The following SYCP2 variants were observed in gnomAD, a reference collection of about 807,000 sequenced individuals.
SYCP2 encodes the protein synaptonemal complex lateral element protein.
A neutral mutation model predicts 211.3 loss-of-function variants in SYCP2; 55 were observed. The observed-to-expected ratio is 0.26, with a 90% CI of 0.21 to 0.33. SYCP2 has a LOEUF of 0.33. Among genes scored for constraint, SYCP2 ranks in the 10% least tolerant of loss-of-function variants. SYCP2 has a pLI of 1.00. For synonymous variants in SYCP2, 570 were observed against 555.2 expected (o/e 1.03, Z -0.37); for missense variants, 1,731 against 1,752.0 (o/e 0.99, Z 0.21).
Position 59,892,370 on chromosome 20 carries a change from G to C in SYCP2, c.1984C>G (p.His662Asp). The C allele has an allele frequency of 6.3e-7, 1 of 1,586,968 alleles. No homozygotes were observed. Among genetic ancestry groups the C allele is most frequent in the Non-Finnish European group, 8.6e-7 (1 of 1,161,242 alleles). The stretch of plus-strand genomic sequence containing the variant: ...ACTTTTCCTGTTCCTTCAGAATTAT[G>C]ATCAGATATTGAAGAGGATGATTTT... ...KQKSSSSISD[H>D]NSEGTGKVKY... Residue 662 changes from histidine (H) to aspartate (D), a missense_variant, in exon 24 of 45, where the codon CAT becomes GAT. Physicochemically the swap from His to Asp is moderately conservative, Grantham distance 81. Coordinates refer to ENST00000357552, the MANE Select transcript of SYCP2 (RefSeq NM_014258.4).
At chr20:59,930,777 T>A (rs1158318574) in intron 2 of SYCP2, among the ~76,000 whole-genome samples, 1 of 152,190 alleles carries the variant, frequency 6.6e-6, no homozygotes, top group Non-Finnish European at 1.5e-5. Flanking sequence ...TAAAATTTTT[T>A]AAGGAAACAA....
Position 59,893,229 on chromosome 20 carries a change from A to AT in SYCP2, c.1736-31dup, listed in dbSNP as rs776612764. On this transcript the variant is annotated intron_variant, in intron 21 of 44. Transcript: ENST00000357552. ...ATAAAACAAATATTATAATATTTTCATTTTTTTCATGCAGTTGGCAGGGGG... is the reference window on the plus strand; with the variant it reads ...ATAAAACAAATATTATAATATTTTCATTTTTTTTCATGCAGTTGGCAGGGGG... 4.1e-6 allele frequency: 6 copies of AT among 1,471,352 alleles called. No individual in the cohort carries two copies. In the South Asian group the frequency reaches 4.8e-5, roughly 12 times the overall value. 91.1% of individuals were successfully genotyped at this position (1,471,352 alleles called of 1,614,324 possible).
At chr20:59,928,467 T>C (rs2060674185) in intron 2 of SYCP2, among the ~76,000 whole-genome samples, 1 of 152,310 alleles carries the variant, frequency 6.6e-6, no homozygotes, top group East Asian at 1.9e-4. Flanking sequence ...TTGAGAGATT[T>C]GGCTAATTCT....
chr20:59,893,085 T>C, intron 22 of SYCP2, 57 bp downstream of exon 22: 1 of 1,185,002 alleles, frequency 8.4e-7, no homozygotes. Context: ...ATCTGTTACA[T>C]TCACTGAAAA....
At chr20:59,910,138 CAGA>C (rs1408412867) in intron 14 of SYCP2, among the ~76,000 whole-genome samples, 2 of 151,972 alleles carry the variant, frequency 1.3e-5, no homozygotes, top group African/African-American at 2.4e-5. Context: ...GTCAGAGAGA[CAGA>C]AGAAGGATTC....
rs139712038 is a variant in SYCP2, at chr20:59,902,622, G to A, written c.1034-812C>T. ...GAAAAAGCTCTGCAGGCCACGCCAT[G>A]ATGTGGCCTAAGGGACAAATGTCCT... On this transcript the variant is annotated intron_variant, in intron 15 of 44. Coordinates refer to ENST00000357552, the MANE Select transcript of SYCP2 (RefSeq NM_014258.4). Among the ~76,000 whole-genome samples the A allele has an allele frequency of 1.2e-3, 176 of 152,222 alleles. 1 individual carries two copies. Among genetic ancestry groups the A allele is most frequent in the African/African-American group, 4.0e-3 (168 of 41,544 alleles).
In SYCP2 at chr20:59,864,575, C is replaced by CA. The variant is rs200925097; in HGVS notation, c.4516-188dup. Among the ~76,000 whole-genome samples, 81 of 152,028 alleles carry CA rather than the reference C, an allele frequency of 5.3e-4. No homozygotes were observed. The East Asian group carries it at 0.015, about 28-fold the overall frequency. On this transcript the variant is annotated intron_variant, in intron 44 of 44. Coordinates refer to ENST00000357552, the MANE Select transcript of SYCP2 (RefSeq NM_014258.4). ...GAATTCTGTGATCATTACTGATATT[C>CA]AAGACAATCAGTTGAGAGAAGGCTC...
chr20:59,913,741 T>C (rs2060376813), intron 12 of SYCP2, among the ~76,000 whole-genome samples: 1 of 152,082 alleles, frequency 6.6e-6, no homozygotes, highest in Non-Finnish European at 1.5e-5. Context: ...GAAATGAACT[T>C]TTCCCTCTAA....
chr20:59,887,251 G>GT (rs1034196648), intron 24 of SYCP2, among the ~76,000 whole-genome samples: 92 of 152,006 alleles, frequency 6.1e-4, no homozygotes, highest in African/African-American at 2.1e-3. Flanking sequence ...AACATGCGGT[G>GT]TTTTTTTGTC....
intron 18 of SYCP2, among the ~76,000 whole-genome samples, chr20:59,897,713 G>C (rs1293978454): frequency 6.6e-6 from 1 of 152,254 alleles, no homozygotes; most frequent in South Asian, 2.1e-4. Context: ...ATATATGGAA[G>C]TGCCTGTGAG....
chr20:59,869,593 C>G (rs1055752285), intron 36 of SYCP2, among the ~76,000 whole-genome samples: 5 of 151,856 alleles, frequency 3.3e-5, no homozygotes, highest in Non-Finnish European at 5.9e-5. Flanking sequence ...CCTTACTACT[C>G]TCATTTTAAA....
chr20:59,873,359 A>G (rs1241299102), intron 35 of SYCP2, among the ~76,000 whole-genome samples: 1 of 152,166 alleles, frequency 6.6e-6, no homozygotes, highest in African/African-American at 2.4e-5. Flanking sequence ...AGTTGATCTG[A>G]TAACCAAGAT....
rs1359836 is a variant in SYCP2 at position 59,895,534 on chromosome 20, G to A, written c.1568C>T (p.Pro523Leu). The part of the protein sequence containing the change: ...PLQMTSSAEK[P>L]SVSQTSENRV... ...ATTTTCTGATGTTTGAGAAACACTA[G>A]GTTTCTCTGCAGAGCTCGTCATTTG... Residue 523 changes from proline to leucine, a missense_variant, in exon 20 of 45, where the codon CCT becomes CTT. Physicochemically the swap from Pro to Leu is moderately conservative, Grantham distance 98. Coordinates refer to ENST00000357552, the MANE Select transcript of SYCP2 (RefSeq NM_014258.4). The A allele has an allele frequency of 3.7e-6, 6 of 1,610,876 alleles. No individual in the cohort carries two copies. The highest frequency in any genetic ancestry group is 4.2e-6 in the Non-Finnish European group (5 of 1,177,528).
chr20:59,892,339 T>C lies in SYCP2; in HGVS notation c.2015A>G (p.Tyr672Cys). 4 of 1,605,986 alleles carry C rather than the reference T, an allele frequency of 2.5e-6. No individual in the cohort carries two copies. The highest frequency in any genetic ancestry group is 3.4e-6 in the Non-Finnish European group (4 of 1,175,166). ...HNSEGTGKVK[Y>C]KKEQTDHIKI... The stretch of plus-strand genomic sequence containing the variant: ...GATATGGTCGGTTTGTTCTTTCTTA[T>C]ATTTCACTTTTCCTGTTCCTTCAGA... Residue 672 changes from tyrosine to cysteine, a missense_variant, in exon 24 of 45, where the codon TAT becomes TGT. Around this residue, in one of 3 missense-constraint regions of SYCP2, gnomAD observed 1,387 missense variants for 1,351.3 expected, o/e 1.03. Coordinates refer to ENST00000357552, the MANE Select transcript of SYCP2 (RefSeq NM_014258.4).
At chr20:59,916,382 G>A in intron 8 of SYCP2, 104 bp downstream of exon 8, 2 of 664,894 alleles carry the variant, frequency 3.0e-6, no homozygotes, top group South Asian at 3.7e-5. Context: ...TATACTCCAA[G>A]CTAAGTAATT....
intron 2 of SYCP2, 52 bp from the exon 3 acceptor site, chr20:59,922,511 TATCAGTTTAA>T (rs2060560553): frequency 5.2e-6 from 5 of 967,318 alleles, no homozygotes; most frequent in Non-Finnish European, 7.6e-6. Context: ...TTCATGTGTT[TATCAGTTTAA>T]ATATCTTACA....
intron 7 of SYCP2, among the ~76,000 whole-genome samples, 184 bp downstream of exon 7, chr20:59,918,974 T>C (rs1158138182): frequency 6.6e-6 from 1 of 152,084 alleles, no homozygotes; most frequent in Non-Finnish European, 1.5e-5. Flanking sequence ...TTCTTAATTG[T>C]TTTTCTCTTG....
intron 28 of SYCP2, among the ~76,000 whole-genome samples, 175 bp downstream of exon 28, chr20:59,881,770 A>G (rs1648187358): frequency 1.3e-5 from 2 of 151,092 alleles, no homozygotes; most frequent in South Asian, 4.1e-4. Flanking sequence ...AAAATTTAAA[A>G]AAAAAAAAAG....
rs1490197741 is a variant in SYCP2 at position 59,879,850 on chromosome 20, TATATATATATATACAC to T, written c.2941+437_2941+452del. On this transcript the variant is annotated intron_variant, in intron 31 of 44. Transcript: ENST00000357552. ...ATATATATATATATATATATATATATATATATATATATACACACACACACACACAAACATATAAATA... is the reference window on the plus strand; with the variant it reads ...ATATATATATATATATATATATATATACACACACACACAAACATATAAATA... Among the ~76,000 whole-genome samples, 661 of 99,088 alleles carry T rather than the reference TATATATATATATACAC, an allele frequency of 6.7e-3. 7 individuals are homozygous for T. Among genetic ancestry groups the T allele is most frequent in the African/African-American group, 0.029 (620 of 21,718 alleles). The allele number at this position is 99,088 out of a possible 152,430, so 65.0% of individuals were successfully genotyped here.
Sources: gnomAD v4.1 joint callset for allele counts (sites outside exome capture counted in the v4.1 genomes callset) on GRCh38, gnomAD v4.1.1 for gene constraint, gnomAD v4.1.1 regional missense constraint, MANE v1.5 for transcripts, NCBI Gene and HGNC (gene_info 2026-07-23, HGNC 2026-07-21) for gene names.